ZNF563: variants seen among roughly 807,000 people sequenced by gnomAD.
ZNF563 encodes the protein zinc finger protein 563.
Under a neutral mutation model 48.5 loss-of-function variants are expected in ZNF563, and 39 were observed. The ratio of observed to expected loss-of-function variants is 0.80; its 90% CI spans 0.62 to 1.05. The LOEUF is 1.05. ZNF563 is among the 50% of genes least tolerant of loss of function. The pLI, the probability that ZNF563 is intolerant of heterozygous loss-of-function variation, is 0.00. For synonymous variants in ZNF563, 168 were observed against 187.9 expected (o/e 0.89, Z 0.87); for missense variants, 538 against 597.0 (o/e 0.90, Z 1.03).
chr19:12,325,252 C>T (rs1301087766), intron 1 of ZNF563, among the ~76,000 whole-genome samples: 2 of 151,998 alleles, frequency 1.3e-5, no homozygotes, highest in African/African-American at 2.4e-5. Context: ...GAGGCCAAGG[C>T]GGGCAGATCA....
At chr19:12,342,292 A>G in the ZNF563 span, among the ~76,000 whole-genome samples, 2 of 152,280 alleles carry the variant, frequency 1.3e-5, no homozygotes, top group Admixed American at 1.3e-4. Context: ...TGTTGGGATT[A>G]CAGGCATGAG....
chr19:12,319,092 A>ACACT lies in ZNF563; in HGVS notation c.929_932dup (p.Cys311Ter), dbSNP rs1349926782. On this transcript the variant is annotated stop_gained and frameshift_variant, in exon 4 of 4. Transcript: ENST00000293725. LOFTEE classifies it high-confidence loss of function. ...GATGAAATGTTTTCCCGCATTGCTT[A>ACACT]CACTCATAGGGTTTCTCTGCACTGT... 1.2e-6 allele frequency: 2 copies of ACACT among 1,613,918 alleles called. No individual in the cohort carries two copies. Among genetic ancestry groups the ACACT allele is most frequent in the East Asian group, 4.5e-5 (2 of 44,880 alleles).
intron 1 of ZNF563, among the ~76,000 whole-genome samples, chr19:12,328,436 C>A (rs1968844253): frequency 6.6e-6 from 1 of 152,204 alleles, no homozygotes; most frequent in Admixed American, 6.5e-5. Context: ...CATGGCACTC[C>A]ACACTACCAG....
intron 3 of ZNF563, among the ~76,000 whole-genome samples, chr19:12,320,302 C>G (rs1968578703): frequency 6.6e-6 from 1 of 151,946 alleles, no homozygotes; most frequent in Non-Finnish European, 1.5e-5. Flanking sequence ...TGCAAGACAA[C>G]CCAACACCAG....
upstream of ZNF563, among the ~76,000 whole-genome samples, chr19:12,336,911 C>A (rs1282004087): frequency 5.3e-5 from 8 of 152,176 alleles, no homozygotes; most frequent in Middle Eastern, 6.3e-3. Flanking sequence ...TCCTTTTAAG[C>A]AAACTGGCCC....
At chr19:12,320,036 C>T (rs1303758841) in intron 3 of ZNF563, among the ~76,000 whole-genome samples, 1 of 152,028 alleles carries the variant, frequency 6.6e-6, no homozygotes, top group Non-Finnish European at 1.5e-5. Context: ...CCTGCCTCAG[C>T]CTCCCAAGTA....
intron 1 of ZNF563, among the ~76,000 whole-genome samples, chr19:12,326,184 T>A (rs953684201): frequency 5.9e-5 from 9 of 152,074 alleles, no homozygotes; most frequent in Admixed American, 5.9e-4. Flanking sequence ...ATATGTTCAA[T>A]GAGGTGAGGC....
chr19:12,328,552 C>G (rs566621778), intron 1 of ZNF563, among the ~76,000 whole-genome samples: 1 of 152,090 alleles, frequency 6.6e-6, no homozygotes, highest in African/African-American at 2.4e-5. Flanking sequence ...GAGGGCAGAT[C>G]ACCTGAGGTC....
At chr19:12,345,346 A>T in the ZNF563 span, among the ~76,000 whole-genome samples, 1 of 152,258 alleles carries the variant, frequency 6.6e-6, no homozygotes, top group African/African-American at 2.4e-5. Flanking sequence ...ACAAAGCTAC[A>T]GTGATCAAAA....
chr19:12,320,918 T>C (rs1968603883), intron 3 of ZNF563, among the ~76,000 whole-genome samples: 1 of 152,090 alleles, frequency 6.6e-6, no homozygotes, highest in Admixed American at 6.6e-5. Context: ...GGCAGGCAGA[T>C]TGCTTGAGCC....
intron 1 of ZNF563, among the ~76,000 whole-genome samples, chr19:12,324,348 G>A (rs1968715516): frequency 6.7e-6 from 1 of 149,040 alleles, no homozygotes; most frequent in South Asian, 2.1e-4. Context: ...GATACAGTGA[G>A]ACTCTGTCTC....
the ZNF563 span, among the ~76,000 whole-genome samples, chr19:12,342,543 T>A: frequency 1.3e-5 from 2 of 148,870 alleles, no homozygotes; most frequent in African/African-American, 5.0e-5. Flanking sequence ...GAGGCCAAGA[T>A]GGGAGGATTG....
intron 1 of ZNF563, among the ~76,000 whole-genome samples, chr19:12,325,780 G>A (rs189227364): frequency 2.2e-4 from 34 of 152,294 alleles, no homozygotes; most frequent in African/African-American, 6.5e-4. Flanking sequence ...GAAGAGGTCA[G>A]GTTTTTGTAT....
At chr19:12,344,687 T>C in the ZNF563 span, among the ~76,000 whole-genome samples, 1 of 152,102 alleles carries the variant, frequency 6.6e-6, no homozygotes, top group African/African-American at 2.4e-5. Flanking sequence ...AACAGTTCTA[T>C]TCAACATACT....
rs771500610 is a variant in ZNF563, at chr19:12,319,407, A to G, written c.618T>C (p.Phe206=). Residue 206 remains phenylalanine, a synonymous_variant, in exon 4 of 4, where the codon TTT becomes TTC. Transcript: ENST00000293725. ...GCATACGTAATAAACTGGGCCAAAA[A>G]AAAGCTTTCCCACACAACTTACATT... ...PYKCKLCGKA[F]FWPSLLRMHE... 4 of 1,614,178 alleles carry G rather than the reference A, an allele frequency of 2.5e-6. No individual in the cohort carries two copies. Among genetic ancestry groups the G allele is most frequent in the Non-Finnish European group, 3.4e-6 (4 of 1,180,018 alleles).
the ZNF563 span, among the ~76,000 whole-genome samples, chr19:12,345,460 T>C: frequency 6.6e-6 from 1 of 152,178 alleles, no homozygotes; most frequent in East Asian, 1.9e-4. Context: ...TTGACAACAG[T>C]GCCAAGACCG....
At position 12,321,309 on chromosome 19, in the gene ZNF563, T is replaced by G; in HGVS notation, c.154A>C (p.Thr52Pro). 1.3e-6 allele frequency: 2 copies of G among 1,573,484 alleles called. No homozygotes were observed. Among genetic ancestry groups the G allele is most frequent in the Non-Finnish European group, 1.7e-6 (2 of 1,164,220 alleles). Residue 52 changes from threonine to proline, a missense_variant, in exon 3 of 4, where the codon ACT becomes CCT. By Grantham distance (38) the Thr-to-Pro change is conservative (BLOSUM62 -1). Coordinates refer to ENST00000293725, the MANE Select transcript of ZNF563 (RefSeq NM_145276.3). ...CIRMIWEEQN[T>P]EDQYKNPRRN... ...CTAGGATTTTTGTACTGATCTTCAG[T>G]ATTCTGTTCTTCCCATATCATTCCT...
intron 1 of ZNF563, among the ~76,000 whole-genome samples, chr19:12,323,517 T>C (rs1245382922): frequency 6.6e-6 from 1 of 152,250 alleles, no homozygotes; most frequent in Admixed American, 6.5e-5. Context: ...CTCCGGCCCT[T>C]GCCATGTAAT....
At position 12,327,355 on chromosome 19, in the gene ZNF563, G is replaced by A. The variant is rs776182300; in HGVS notation, c.4-4644C>T. 7.3e-5 allele frequency among the ~76,000 whole-genome samples: 11 copies of A among 151,426 alleles called. 1 individual carries two copies. Among genetic ancestry groups the A allele is most frequent in the Non-Finnish European group, 1.5e-4 (10 of 67,876 alleles). On this transcript the variant is annotated intron_variant, in intron 1 of 3. Transcript: ENST00000293725. The stretch of plus-strand genomic sequence containing the variant: ...GGCATCTGTAGTCCCAGCTACTCGG[G>A]AGGCTGAGGCAGGAGAATCGCTTGA...
Sources: allele counts gnomAD v4.1 joint callset (sites outside exome capture counted in the v4.1 genomes callset), GRCh38; gene constraint gnomAD v4.1.1; transcripts MANE v1.5; gene names NCBI Gene and HGNC (gene_info 2026-07-23, HGNC 2026-07-21).